Variants in LARP4B observed in about 807,000 individuals in gnomAD.
The protein encoded by LARP4B is La ribonucleoprotein 4B.
LARP4B carries 12 observed loss-of-function variants against 89.8 expected under a neutral mutation model. The ratio of observed to expected loss-of-function variants is 0.13; its 90% CI spans 0.09 to 0.22. The LOEUF is 0.22. Ranked by LOEUF, LARP4B falls within the 10% of genes least tolerant of loss-of-function variation. The probability of loss-of-function intolerance (pLI) is 1.00; values close to 1 mark genes in which losing one functional copy is unlikely to be tolerated. For synonymous variants in LARP4B, 367 were observed against 363.3 expected (o/e 1.01, Z -0.12); for missense variants, 757 against 947.7 (o/e 0.80, Z 2.64).
At chr10:972,855 G>A in the LARP4B span, 1 of 457,000 alleles carries the variant, frequency 2.2e-6, no homozygotes, top group Non-Finnish European at 4.4e-6. Flanking sequence ...TGGCATTACA[G>A]AGAATGCTGG....
intron 2 of LARP4B, 57 bp from the exon 3 acceptor site, chr10:884,563 T>G (rs1158482311): frequency 8.4e-7 from 1 of 1,192,682 alleles, no homozygotes; most frequent in Non-Finnish European, 1.2e-6. Context: ...AAACAACATA[T>G]TTTCAAACCA....
At chr10:834,557 T>C (rs552622569) in intron 8 of LARP4B, among the ~76,000 whole-genome samples, 2 of 152,390 alleles carry the variant, frequency 1.3e-5, no homozygotes, top group Admixed American at 1.3e-4. Context: ...TGGGAACTTA[T>C]GTTCTTACGT....
chr10:981,168 A>G, the LARP4B span, among the ~76,000 whole-genome samples: 2 of 152,172 alleles, frequency 1.3e-5, no homozygotes, highest in African/African-American at 4.8e-5. Flanking sequence ...CCAGTTCCCA[A>G]TAATTTCCTC....
chr10:815,156 A>G, intron 15 of LARP4B, 86 bp from the exon 16 acceptor site: 1 of 1,466,026 alleles, frequency 6.8e-7, no homozygotes, highest in Non-Finnish European at 9.1e-7. Context: ...ACCCGTGAAC[A>G]GCCTTGGGAG....
rs781441803 is a variant in LARP4B, at chr10:814,925, T to A, written c.1820+21A>T. On this transcript the variant is annotated intron_variant, in intron 16 of 17. Transcript: ENST00000316157. This position sits in a 1 kb window ranked among gnomAD's most constrained non-coding sequence, Gnocchi z 4.4. Reference sequence around the variant, plus strand: ...TTCAAGTCAGTCAACACCAAGGCGCTGGAAGAACACCAATACTCACTCGGG... The same window carrying A: ...TTCAAGTCAGTCAACACCAAGGCGCAGGAAGAACACCAATACTCACTCGGG... 6.3e-7 allele frequency: 1 copy of A among 1,578,888 alleles called. No homozygotes were observed. Among genetic ancestry groups the A allele is most frequent in the Admixed American group, 1.7e-5 (1 of 57,552 alleles).
At chr10:934,827 T>TC (rs1830726659), upstream of LARP4B, among the ~76,000 whole-genome samples, 1 of 152,138 alleles carries the variant, frequency 6.6e-6, no homozygotes, top group Non-Finnish European at 1.5e-5. Context: ...CTTCTCCCCG[T>TC]CCCCCCAGTG....
the LARP4B span, among the ~76,000 whole-genome samples, chr10:983,206 G>C: frequency 1.3e-5 from 2 of 152,240 alleles, no homozygotes; most frequent in African/African-American, 4.8e-5. Context: ...ACTGTTTACA[G>C]ATAACTCTGT....
the LARP4B span, among the ~76,000 whole-genome samples, chr10:947,341 G>A: frequency 6.6e-5 from 10 of 152,124 alleles, no homozygotes; most frequent in Admixed American, 6.5e-5. Context: ...CATTCAGCAA[G>A]ACAAACGGCA....
chr10:885,045 A>T (rs867792402), intron 2 of LARP4B, among the ~76,000 whole-genome samples: 1 of 152,214 alleles, frequency 6.6e-6, no homozygotes, highest in Non-Finnish European at 1.5e-5. Flanking sequence ...CTCCCCAAAA[A>T]ATATGGCACA....
chr10:934,128 G>C (rs143176833), upstream of LARP4B, among the ~76,000 whole-genome samples: 1,983 of 152,006 alleles, frequency 0.013, 41 homozygotes, highest in African/African-American at 0.044. Context: ...CACCGTTCCC[G>C]GCTGGTAGGT....
At chr10:952,006 C>T in the LARP4B span, among the ~76,000 whole-genome samples, 2 of 151,788 alleles carry the variant, frequency 1.3e-5, no homozygotes, top group East Asian at 3.9e-4. Context: ...GAAGAAATCG[C>T]ACCAGCCCAG....
chr10:958,140 GCCCA>G, the LARP4B span, among the ~76,000 whole-genome samples: 1 of 152,180 alleles, frequency 6.6e-6, no homozygotes, highest in Non-Finnish European at 1.5e-5. Context: ...TTCCTAAAGT[GCCCA>G]CTGGGTTGTC....
chr10:847,239 G>A (rs1337930401), intron 5 of LARP4B, among the ~76,000 whole-genome samples: 1 of 152,090 alleles, frequency 6.6e-6, no homozygotes, highest in Non-Finnish European at 1.5e-5. Context: ...GAAAGATGGG[G>A]AGTGACCCAA....
chr10:859,750 G>A (rs889492676), intron 5 of LARP4B, among the ~76,000 whole-genome samples: 6 of 151,874 alleles, frequency 4.0e-5, no homozygotes, highest in South Asian at 2.1e-4. Context: ...TTAAATGTAC[G>A]TTACTAAATG....
At chr10:809,176 A>G (rs1014592528), downstream of LARP4B, 14 of 152,274 alleles carry the variant, frequency 9.2e-5, no homozygotes, top group African/African-American at 3.4e-4. Context: ...GGATGAGTCC[A>G]TCACCATGAA....
At chr10:872,927 G>C in intron 3 of LARP4B, 5 of 601,012 alleles carry the variant, frequency 8.3e-6, no homozygotes, top group Non-Finnish European at 1.0e-5. Context: ...TTTGTGCCCA[G>C]ACCCTGCGAA....
the LARP4B span, chr10:972,978 C>G: frequency 4.3e-5 from 18 of 418,896 alleles, no homozygotes; most frequent in Non-Finnish European, 7.2e-5. Context: ...GTGCAGTAGG[C>G]GTTACCACTG....
the LARP4B span, among the ~76,000 whole-genome samples, chr10:968,721 A>G: frequency 0.013 from 1,970 of 152,374 alleles, 18 homozygotes; most frequent in South Asian, 0.023. Context: ...GACGGAATGA[A>G]GTGATGGCAA....
At chr10:848,733 C>A (rs1833898049) in intron 5 of LARP4B, among the ~76,000 whole-genome samples, 1 of 152,074 alleles carries the variant, frequency 6.6e-6, no homozygotes, top group African/African-American at 2.4e-5. Context: ...GCACAACCAG[C>A]TGAGAGGATC....
Sources: gnomAD v4.1 joint callset for allele counts (sites outside exome capture counted in the v4.1 genomes callset) on GRCh38, gnomAD v4.1.1 for gene constraint, Gnocchi (gnomAD v3.1) non-coding constraint, MANE v1.5 for transcripts, NCBI Gene and HGNC (gene_info 2026-07-23, HGNC 2026-07-21) for gene names.